The following EPHA3 variants were observed in gnomAD, a reference collection of about 807,000 sequenced individuals.
EPHA3 encodes EPH receptor A3.
A neutral mutation model predicts 107.1 loss-of-function variants in EPHA3; 42 were observed. The ratio of observed to expected loss-of-function variants is 0.39; its 90% CI spans 0.31 to 0.51. The LOEUF is 0.51. Ranked by LOEUF, EPHA3 falls within the 20% of genes least tolerant of loss-of-function variation. The probability of loss-of-function intolerance (pLI) is 0.78; values close to 1 mark genes in which losing one functional copy is unlikely to be tolerated. For synonymous variants in EPHA3, 461 were observed against 424.8 expected, an observed-to-expected ratio of 1.09 and a Z score of -1.05; for missense variants, 1,183 against 1,211.2, an observed-to-expected ratio of 0.98 and a Z score of 0.35.
At chr3:89,198,793 T>C (rs1171347320) in intron 2 of EPHA3, among the ~76,000 whole-genome samples, 3 of 152,182 alleles carry the variant, frequency 2.0e-5, no homozygotes, top group Non-Finnish European at 4.4e-5. Flanking sequence ...CCCATTATCA[T>C]AGCAGGAAAT....
intron 3 of EPHA3, among the ~76,000 whole-genome samples, chr3:89,238,164 C>T (rs1021492527): frequency 6.6e-6 from 1 of 152,000 alleles, no homozygotes; most frequent in African/African-American, 2.4e-5. Flanking sequence ...TCACTATTCA[C>T]CAGTATGTTG....
chr3:89,334,497 G>A (rs1707354016), intron 3 of EPHA3, among the ~76,000 whole-genome samples: 1 of 152,188 alleles, frequency 6.6e-6, no homozygotes, highest in South Asian at 2.1e-4. Flanking sequence ...AAAGTGTCTA[G>A]GCTAAGAAGA....
chr3:89,207,189 G>T (rs904527386), intron 2 of EPHA3, among the ~76,000 whole-genome samples: 3 of 151,946 alleles, frequency 2.0e-5, no homozygotes, highest in Admixed American at 2.0e-4. Context: ...AGGCTTAAAG[G>T]CCAAATAAAT....
intron 3 of EPHA3, among the ~76,000 whole-genome samples, chr3:89,316,252 A>T (rs1298040744): frequency 6.6e-6 from 1 of 151,524 alleles, no homozygotes; most frequent in Non-Finnish European, 1.5e-5. Flanking sequence ...ACACTTAATC[A>T]GTCTCTCTGG....
intron 15 of EPHA3, among the ~76,000 whole-genome samples, chr3:89,454,133 A>G (rs1710052414): frequency 1.3e-5 from 2 of 152,162 alleles, no homozygotes; most frequent in African/African-American, 4.8e-5. Flanking sequence ...TGGATGTTTT[A>G]TAAAAATGCC....
intron 15 of EPHA3, among the ~76,000 whole-genome samples, chr3:89,468,531 TA>T (rs1225398386): frequency 6.6e-6 from 1 of 152,098 alleles, no homozygotes; most frequent in Non-Finnish European, 1.5e-5. Flanking sequence ...AACCCATAAA[TA>T]AAAAAGTATT....
chr3:89,474,383 C>T (rs1259604954), intron 16 of EPHA3, among the ~76,000 whole-genome samples: 1 of 152,112 alleles, frequency 6.6e-6, no homozygotes, highest in Non-Finnish European at 1.5e-5. Context: ...TTCTGTGGTA[C>T]TTATTTTGAT....
intron 3 of EPHA3, among the ~76,000 whole-genome samples, chr3:89,223,836 T>C (rs1704439904): frequency 6.6e-6 from 1 of 152,104 alleles, no homozygotes; most frequent in South Asian, 2.1e-4. Flanking sequence ...TACTAAAATA[T>C]GGTTAGTAAA....
At chr3:89,444,682 T>A (rs1376845765) in intron 13 of EPHA3, among the ~76,000 whole-genome samples, 1 of 152,064 alleles carries the variant, frequency 6.6e-6, no homozygotes, top group Non-Finnish European at 1.5e-5. Flanking sequence ...GAGCAGACAC[T>A]TTTTAAATGG....
intron 3 of EPHA3, among the ~76,000 whole-genome samples, chr3:89,225,571 T>G (rs1198432009): frequency 6.6e-6 from 1 of 152,144 alleles, no homozygotes; most frequent in Non-Finnish European, 1.5e-5. Context: ...CCCAAATAAT[T>G]TTACAGAAAA....
chr3:89,374,900 A>G (rs1468412948), intron 5 of EPHA3, among the ~76,000 whole-genome samples: 1 of 151,832 alleles, frequency 6.6e-6, no homozygotes, highest in East Asian at 1.9e-4. Flanking sequence ...AAGTAATGCC[A>G]CTAAACCTCT....
chr3:89,425,250 T>C (rs1439389776), intron 11 of EPHA3, among the ~76,000 whole-genome samples: 2 of 151,504 alleles, frequency 1.3e-5, no homozygotes, highest in African/African-American at 2.4e-5. Flanking sequence ...TTCATTTCAA[T>C]ATTTCAGTTC....
At chr3:89,267,546 G>A (rs1459165300) in intron 3 of EPHA3, among the ~76,000 whole-genome samples, 1 of 152,120 alleles carries the variant, frequency 6.6e-6, no homozygotes, top group East Asian at 1.9e-4. Context: ...AAGCAGAATA[G>A]CAAAGAAAGG....
intron 13 of EPHA3, among the ~76,000 whole-genome samples, 190 bp downstream of exon 13, chr3:89,431,549 G>T (rs1371387793): frequency 6.6e-6 from 1 of 151,976 alleles, no homozygotes. Flanking sequence ...AACATTTAAT[G>T]ATTTTAACTC....
intron 3 of EPHA3, among the ~76,000 whole-genome samples, chr3:89,280,378 C>T (rs1189675090): frequency 6.6e-6 from 1 of 151,916 alleles, no homozygotes; most frequent in Non-Finnish European, 1.5e-5. Context: ...TAAAAAGCCT[C>T]CAGAGGTTGA....
chr3:89,246,601 G>A (rs1421621768), intron 3 of EPHA3, among the ~76,000 whole-genome samples: 1 of 152,020 alleles, frequency 6.6e-6, no homozygotes, highest in African/African-American at 2.4e-5. Context: ...ATTCCCATGG[G>A]CAATGGCAGT....
chr3:89,336,526 T>G lies in EPHA3; in HGVS notation c.815-4390T>G, dbSNP rs1164495609. On this transcript the variant is annotated intron_variant, in intron 3 of 16. Transcript: ENST00000336596. ...GAGAAAAATACATTTATAGAGATTG[T>G]TTCTTTATAAAATAATAATTTTATA... Among the ~76,000 whole-genome samples the G allele has an allele frequency of 2.0e-5, 3 of 152,316 alleles. No individual in the cohort carries two copies. In the East Asian group the frequency reaches 5.8e-4, roughly 29 times the overall value.
intron 3 of EPHA3, among the ~76,000 whole-genome samples, chr3:89,270,213 G>T (rs1705635776): frequency 2.0e-5 from 3 of 151,958 alleles, no homozygotes; most frequent in Admixed American, 2.0e-4. Context: ...CTTAGTAAAT[G>T]GTTAGAAACT....
chr3:89,190,787 T>C (rs1705694772), intron 2 of EPHA3, among the ~76,000 whole-genome samples: 1 of 152,212 alleles, frequency 6.6e-6, no homozygotes, highest in African/African-American at 2.4e-5. Context: ...GGCTTATAAA[T>C]GGCTGTCTTC....
Sources: gnomAD v4.1 joint callset for allele counts (sites outside exome capture counted in the v4.1 genomes callset) on GRCh38, gnomAD v4.1.1 for gene constraint, MANE v1.5 for transcripts, NCBI Gene and HGNC (gene_info 2026-07-23, HGNC 2026-07-21) for gene names.